ADGRL2: variants seen among roughly 807,000 people sequenced by gnomAD.
The protein encoded by ADGRL2 is adhesion G protein-coupled receptor L2, also known as calcium-independent alpha-latrotoxin receptor 2.
ADGRL2 carries 44 observed loss-of-function variants against 157.4 expected under a neutral mutation model. The observed-to-expected ratio is 0.28, with a 90% CI of 0.22 to 0.36. The LOEUF is 0.36. Ranked by LOEUF, ADGRL2 falls within the 10% of genes least tolerant of loss-of-function variation. The pLI is 1.00. For synonymous variants in ADGRL2, 585 were observed against 624.7 expected (o/e 0.94, Z 0.95); for missense variants, 1,510 against 1,768.9 (o/e 0.85, Z 2.63).
chr1:81,465,126 C>T (rs2101830804), intron 2 of ADGRL2, among the ~76,000 whole-genome samples: 1 of 152,128 alleles, frequency 6.6e-6, no homozygotes, highest in African/African-American at 2.4e-5. Context: ...TTTGTGAAAT[C>T]ATTCACTGTT....
intron 1 of ADGRL2, among the ~76,000 whole-genome samples, chr1:81,433,199 ACT>A (rs1416186784): frequency 2.0e-5 from 3 of 152,068 alleles, no homozygotes; most frequent in Non-Finnish European, 2.9e-5. Flanking sequence ...ATTACTTTGT[ACT>A]CTTTTTCTTT....
chr1:81,595,783 G>C (rs578135329), intron 3 of ADGRL2, among the ~76,000 whole-genome samples: 51 of 152,190 alleles, frequency 3.4e-4, no homozygotes, highest in Non-Finnish European at 6.8e-4. Context: ...CTATATCTGA[G>C]TGTCTTAGTC....
chr1:81,325,892 G>A (rs745684211), intron 1 of ADGRL2, among the ~76,000 whole-genome samples: 4 of 152,222 alleles, frequency 2.6e-5, no homozygotes, highest in Non-Finnish European at 4.4e-5. Context: ...GATGAGAAAT[G>A]GTGATGATTT....
At chr1:81,800,003 A>C (rs2087811500), upstream of ADGRL2, among the ~76,000 whole-genome samples, 2 of 152,118 alleles carry the variant, frequency 1.3e-5, no homozygotes, top group Non-Finnish European at 2.9e-5. Context: ...GCTTAGGTCC[A>C]TCGTAGGCTC....
chr1:81,957,876 C>A (rs1181678018), intron 11 of ADGRL2, among the ~76,000 whole-genome samples: 1 of 150,542 alleles, frequency 6.6e-6, no homozygotes, highest in African/African-American at 2.4e-5. Flanking sequence ...ATATGAAAGT[C>A]ATTTTACGGC....
chr1:81,544,218 G>C (rs1570449438), intron 2 of ADGRL2, among the ~76,000 whole-genome samples: 1 of 152,216 alleles, frequency 6.6e-6, no homozygotes, highest in East Asian at 1.9e-4. Context: ...GTGCAGGGAG[G>C]TACAGATTTT....
intron 2 of ADGRL2, chr1:81,501,718 C>A (rs1340959916): frequency 6.2e-7 from 1 of 1,603,568 alleles, no homozygotes; most frequent in Non-Finnish European, 8.5e-7. Context: ...GCCTGGTGGG[C>A]TGTGCCCAGG....
chr1:81,407,482 CATT>C (rs1570881394), intron 1 of ADGRL2, among the ~76,000 whole-genome samples: 1 of 152,218 alleles, frequency 6.6e-6, no homozygotes, highest in East Asian at 1.9e-4. Context: ...ACATCATTAT[CATT>C]CAGATCATGA....
chr1:81,847,956 A>G (rs2150431127), intron 2 of ADGRL2, among the ~76,000 whole-genome samples: 1 of 146,156 alleles, frequency 6.8e-6, no homozygotes, highest in South Asian at 2.1e-4. Flanking sequence ...CAGCACCATA[A>G]GAGTATAGGA....
chr1:81,616,679 C>CTTTCTTTT (rs2081658895), intron 3 of ADGRL2, among the ~76,000 whole-genome samples: 1 of 105,988 alleles, frequency 9.4e-6, no homozygotes, highest in East Asian at 2.8e-4. Context: ...CTTTTCTTTT[C>CTTTCTTTT]TTTTTTTTTT....
At chr1:81,942,269 C>G (rs1648311135) in intron 5 of ADGRL2, among the ~76,000 whole-genome samples, 2 of 151,840 alleles carry the variant, frequency 1.3e-5, no homozygotes. Context: ...TGCCCTTTCT[C>G]TGTTTCTTTT....
intron 3 of ADGRL2, among the ~76,000 whole-genome samples, chr1:81,625,415 A>G (rs191352948): frequency 7.2e-4 from 110 of 152,274 alleles, no homozygotes; most frequent in Non-Finnish European, 1.5e-4. Flanking sequence ...GGTGACCAGG[A>G]AAATAGGTAT....
chr1:81,516,733 G>A (rs2079186361), intron 2 of ADGRL2, among the ~76,000 whole-genome samples: 2 of 152,220 alleles, frequency 1.3e-5, no homozygotes, highest in African/African-American at 2.4e-5. Context: ...TCCCTAGTTA[G>A]GAGATGGATG....
chr1:81,462,070 A>G (rs188282529), intron 2 of ADGRL2, among the ~76,000 whole-genome samples: 15 of 152,268 alleles, frequency 9.9e-5, no homozygotes, highest in African/African-American at 3.6e-4. Flanking sequence ...TAAATACAAC[A>G]ATCAGTGCTC....
intron 3 of ADGRL2, among the ~76,000 whole-genome samples, chr1:81,589,207 G>A (rs1181085682): frequency 2.6e-5 from 4 of 152,170 alleles, no homozygotes; most frequent in African/African-American, 9.7e-5. Context: ...CCACGAGCAT[G>A]TGCCCATTGC....
At chr1:81,335,026 C>A (rs1160326557) in intron 1 of ADGRL2, among the ~76,000 whole-genome samples, 1 of 152,130 alleles carries the variant, frequency 6.6e-6, no homozygotes. Context: ...CCTTCCTTAC[C>A]TGAAACTAAC....
intron 10 of ADGRL2, among the ~76,000 whole-genome samples, chr1:81,953,890 A>T (rs379975): frequency 0.37 from 56,690 of 152,010 alleles, 11,231 homozygotes; most frequent in Middle Eastern, 0.44. Context: ...GTAGTTTCTT[A>T]GACTAGAGAG....
At chr1:81,372,661 G>T (rs763181370) in intron 1 of ADGRL2, among the ~76,000 whole-genome samples, 1 of 152,034 alleles carries the variant, frequency 6.6e-6, no homozygotes, top group Non-Finnish European at 1.5e-5. Flanking sequence ...GTTAAAGTAC[G>T]AATTTTCTGT....
At chr1:81,884,379 A>C (rs946353183) in intron 2 of ADGRL2, among the ~76,000 whole-genome samples, 1 of 152,200 alleles carries the variant, frequency 6.6e-6, no homozygotes, top group African/African-American at 2.4e-5. Flanking sequence ...GTGTTGACTG[A>C]ATATAGTTTC....
Sources: allele counts gnomAD v4.1 joint callset (sites outside exome capture counted in the v4.1 genomes callset), GRCh38; gene constraint gnomAD v4.1.1; transcripts MANE v1.5; gene names NCBI Gene and HGNC (gene_info 2026-07-23, HGNC 2026-07-21).